PCDHA10: variants seen among roughly 807,000 people sequenced by gnomAD.
PCDHA10 encodes the protein protocadherin alpha 10, also known as protocadherin alpha-10.
In PCDHA10, 45 loss-of-function variants were observed where a neutral mutation model predicts 61.2. The observed-to-expected ratio is 0.74, with a 90% CI of 0.58 to 0.94. The LOEUF (loss-of-function observed/expected upper bound fraction) is 0.94. Among genes scored for constraint, PCDHA10 ranks in the 40% least tolerant of loss-of-function variants. The pLI is 0.00. For missense variants in PCDHA10, 1,278 were observed against 1,236.2 expected, an observed-to-expected ratio of 1.03 and a Z score of -0.51; for synonymous variants, 602 against 548.8, an observed-to-expected ratio of 1.10 and a Z score of -1.35.
intron 1 of PCDHA10, among the ~76,000 whole-genome samples, chr5:140,972,991 T>C (rs142551667): frequency 6.6e-6 from 1 of 152,222 alleles, no homozygotes; most frequent in Non-Finnish European, 1.5e-5. Context: ...GTAGATTCTG[T>C]GCATTTGTGG....
rs1554148728 is a variant in PCDHA10, at chr5:140,856,447, C to T, written c.399C>T (p.Ser133=). Residue 133 remains serine (S), a synonymous_variant, in exon 1 of 4, where the codon TCC becomes TCT. Transcript: ENST00000307360. The part of the protein sequence containing the change: ...KDINDNPPRF[S]VTEQKLSIPE... ...TTAACGACAACCCGCCCAGGTTCTC[C>T]GTAACAGAACAAAAGCTCTCAATAC... 8 of 1,598,330 alleles carry T rather than the reference C, an allele frequency of 5.0e-6. 1 individual carries two copies. The highest frequency in any genetic ancestry group is 6.8e-6 in the Non-Finnish European group (8 of 1,167,884).
chr5:140,867,042 G>A (rs782113838), intron 1 of PCDHA10: 4 of 152,084 alleles, frequency 2.6e-5, no homozygotes, highest in Non-Finnish European at 4.4e-5. Flanking sequence ...ATGACTTGGC[G>A]TTTGTTCAGT....
chr5:140,932,002 T>G (rs1305093438), intron 1 of PCDHA10, among the ~76,000 whole-genome samples: 1 of 151,956 alleles, frequency 6.6e-6, no homozygotes, highest in East Asian at 1.9e-4. Flanking sequence ...CTAAGTTCTT[T>G]CATTTTAGTT....
At chr5:140,884,344 G>C in intron 1 of PCDHA10, 1 of 1,613,904 alleles carries the variant, frequency 6.2e-7, no homozygotes, top group Non-Finnish European at 8.5e-7. Context: ...CAGAAGCGGC[G>C]CTGGTGGATG....
chr5:140,919,709 G>T (rs782509447), intron 1 of PCDHA10, among the ~76,000 whole-genome samples: 5 of 152,076 alleles, frequency 3.3e-5, no homozygotes, highest in Non-Finnish European at 7.4e-5. Context: ...CTTAATTCTA[G>T]TGAGATATAA....
chr5:140,993,087 G>T (rs1476981409), intron 3 of PCDHA10, among the ~76,000 whole-genome samples: 2 of 152,188 alleles, frequency 1.3e-5, no homozygotes, highest in African/African-American at 4.8e-5. Flanking sequence ...AATCAGCAGG[G>T]CTATGTTTAT....
At chr5:140,895,525 T>G (rs1172545825) in intron 1 of PCDHA10, among the ~76,000 whole-genome samples, 1 of 152,196 alleles carries the variant, frequency 6.6e-6, no homozygotes, top group Non-Finnish European at 1.5e-5. Context: ...GGTTTATTCG[T>G]TTTTCAATTG....
chr5:140,860,681 T>G (rs2046516125), intron 1 of PCDHA10: 1 of 152,216 alleles, frequency 6.6e-6, no homozygotes, highest in Non-Finnish European at 1.5e-5. Context: ...TGCACTTATG[T>G]TTTGAGCGAC....
intron 1 of PCDHA10, chr5:140,871,318 G>A (rs546803828): frequency 9.9e-6 from 16 of 1,614,072 alleles, no homozygotes; most frequent in Middle Eastern, 1.7e-4. Context: ...GCCCACGCTG[G>A]TGTGCTCCCG....
At chr5:140,982,336 A>G in intron 2 of PCDHA10, 139 bp from the exon 3 acceptor site, 1 of 1,449,074 alleles carries the variant, frequency 6.9e-7, no homozygotes, top group Non-Finnish European at 9.2e-7. Context: ...GCTCAGCAGT[A>G]ATTGCTTCAG....
chr5:140,998,423 T>C (rs1248330149), intron 3 of PCDHA10, among the ~76,000 whole-genome samples: 1 of 152,248 alleles, frequency 6.6e-6, no homozygotes, highest in African/African-American at 2.4e-5. Context: ...ACCTGGTTTA[T>C]CCTTTAACAC....
chr5:140,898,644 T>C (rs2066890005), intron 1 of PCDHA10, among the ~76,000 whole-genome samples: 2 of 152,226 alleles, frequency 1.3e-5, no homozygotes, highest in Admixed American at 1.3e-4. Context: ...GCTTTGTTCT[T>C]TTGGCTTAGG....
chr5:140,888,980 G>A (rs1429569959), intron 1 of PCDHA10, among the ~76,000 whole-genome samples: 2 of 152,022 alleles, frequency 1.3e-5, no homozygotes, highest in Non-Finnish European at 2.9e-5. Context: ...TTGAATTTAT[G>A]ATTTATGATT....
intron 1 of PCDHA10, chr5:140,871,063 G>A (rs377081112): frequency 1.2e-6 from 2 of 1,613,272 alleles, no homozygotes; most frequent in Non-Finnish European, 1.7e-6. Flanking sequence ...GAAGGATCAC[G>A]GTGAGCCGGC....
Position 140,855,996 on chromosome 5 carries a change from A to G in PCDHA10, c.-53A>G, listed in dbSNP as rs2150345731. 1 of 1,503,004 alleles carries G rather than the reference A, an allele frequency of 6.7e-7. No individual in the cohort carries two copies. The highest frequency in any genetic ancestry group is 9.0e-7 in the Non-Finnish European group (1 of 1,114,660). 93.1% of individuals were successfully genotyped at this position (1,503,004 alleles called of 1,614,324 possible). The stretch of plus-strand genomic sequence containing the variant: ...AATAGGACAGAAAATGTCAGATCGT[A>G]TGTGCGTTCTAGACCGCTGATTCGT... On this transcript the variant is annotated 5_prime_UTR_variant, in exon 1 of 4. The change abolishes an upstream ATG in the 5' untranslated region. Coordinates refer to ENST00000307360, the MANE Select transcript of PCDHA10 (RefSeq NM_018901.4).
Position 140,857,104 on chromosome 5 carries a change from TTC to T in PCDHA10, c.1060_1061del (p.Leu354ValfsTer21). 1 of 1,597,962 alleles carries T rather than the reference TTC, an allele frequency of 6.3e-7. No individual in the cohort carries two copies. Among genetic ancestry groups the T allele is most frequent in the Non-Finnish European group, 8.6e-7 (1 of 1,167,488 alleles). ...ATAATTCACCTGAGGTGATTGTCAC[TTC>T]TCTGTCTCTCCCAGTGAAAGAAGAT... is the stretch of plus-strand genomic sequence containing the variant. The part of the protein sequence containing the change: ...NDNSPEVIVT[S>X]LSLPVKEDAQ... On this transcript the variant is annotated frameshift_variant, in exon 1 of 4. Coordinates refer to ENST00000307360, the MANE Select transcript of PCDHA10 (RefSeq NM_018901.4). LOFTEE classifies it high-confidence loss of function.
At chr5:140,866,727 T>C (rs1254232410) in intron 1 of PCDHA10, 1 of 152,170 alleles carries the variant, frequency 6.6e-6, no homozygotes, top group East Asian at 1.9e-4. Context: ...CATTAAACTA[T>C]GCACTCTAAT....
In PCDHA10 at chr5:140,922,223, C is replaced by T. The variant is rs115262412; in HGVS notation, c.2389-56726C>T. 8.0e-3 allele frequency among the ~76,000 whole-genome samples: 1,216 copies of T among 152,128 alleles called. 6 individuals are homozygous for T. Among genetic ancestry groups the T allele is most frequent in the African/African-American group, 0.019 (784 of 41,508 alleles). ...ATGAAACTTTGTAAAACATTTGAAC[C>T]TCAACCATGATGTGTATGAAGATAA... On this transcript the variant is annotated intron_variant, in intron 1 of 3. Transcript: ENST00000307360.
At chr5:140,890,576 A>T (rs1554184435) in intron 1 of PCDHA10, among the ~76,000 whole-genome samples, 2 of 151,634 alleles carry the variant, frequency 1.3e-5, no homozygotes, top group African/African-American at 4.8e-5. Flanking sequence ...TTCCTTCTGT[A>T]TTATTTGGAA....
Sources: allele counts gnomAD v4.1 joint callset (sites outside exome capture counted in the v4.1 genomes callset), GRCh38; gene constraint gnomAD v4.1.1; transcripts MANE v1.5; gene names NCBI Gene and HGNC (gene_info 2026-07-23, HGNC 2026-07-21).